Variants in PCDHGA11 observed in about 807,000 individuals in gnomAD.
PCDHGA11 encodes the protein protocadherin gamma subfamily A, 11.
Under a neutral mutation model 60.4 loss-of-function variants are expected in PCDHGA11, and 39 were observed. That is an observed-to-expected ratio of 0.65 (90% CI 0.50 to 0.84). The LOEUF is 0.84. Ranked by LOEUF, PCDHGA11 falls within the 40% of genes least tolerant of loss-of-function variation. The pLI is 0.00. For synonymous variants in PCDHGA11, 533 were observed against 510.3 expected (o/e 1.04, Z -0.60); for missense variants, 1,165 against 1,197.7 (o/e 0.97, Z 0.40).
intron 1 of PCDHGA11, among the ~76,000 whole-genome samples, chr5:141,482,056 G>A (rs1271837619): frequency 1.3e-5 from 2 of 149,012 alleles, no homozygotes; most frequent in Non-Finnish European, 3.0e-5. Context: ...TTGCATTCCA[G>A]CCTGGGCAAC....
chr5:141,487,530 T>C lies in PCDHGA11; in HGVS notation c.2434-7277T>C. The stretch of plus-strand genomic sequence containing the variant: ...GCACCCACTCGGAGTGATAGCTTCA[T>C]GATGGTGAAGTCACCCAGTGCACCT... On this transcript the variant is annotated intron_variant, in intron 1 of 3. Coordinates refer to ENST00000398587, the MANE Select transcript of PCDHGA11 (RefSeq NM_018914.3). This position sits in a 1 kb window ranked among gnomAD's most constrained non-coding sequence, Gnocchi z 5.0. The C allele has an allele frequency of 6.2e-7, 1 of 1,614,218 alleles. No individual in the cohort carries two copies. The highest frequency in any genetic ancestry group is 8.5e-7 in the Non-Finnish European group (1 of 1,180,040).
At chr5:141,450,190 G>A (rs1368992094) in intron 1 of PCDHGA11, among the ~76,000 whole-genome samples, 1 of 151,588 alleles carries the variant, frequency 6.6e-6, no homozygotes, top group African/African-American at 2.4e-5. Flanking sequence ...GCTAATTTTT[G>A]TATTTTTAGT....
intron 1 of PCDHGA11, chr5:141,428,659 G>A: frequency 6.1e-6 from 1 of 164,982 alleles, no homozygotes; most frequent in East Asian, 1.8e-4. Context: ...GAGTTCCAAT[G>A]AATGTCTTTC....
chr5:141,441,861 C>T (rs3805696), intron 1 of PCDHGA11: 35,405 of 342,650 alleles, frequency 0.1, 2,215 homozygotes, highest in African/African-American at 0.17. Context: ...TGCTGCACGC[C>T]GCGGAGCCTG....
rs1233637152 is a variant in PCDHGA11 at position 141,432,543 on chromosome 5, A to G, written c.2433+8883A>G. ...CTGGTGACCAAGGTGGTGGCGGTGGACAGAGACTCCGGCCAGAACGCCTGG... is the reference window on the plus strand; with the variant it reads ...CTGGTGACCAAGGTGGTGGCGGTGGGCAGAGACTCCGGCCAGAACGCCTGG... On this transcript the variant is annotated intron_variant, in intron 1 of 3. Transcript: ENST00000398587. This position sits in a 1 kb window ranked among gnomAD's most constrained non-coding sequence, Gnocchi z 6.0. 3 of 1,613,678 alleles carry G rather than the reference A, an allele frequency of 1.9e-6. No individual in the cohort carries two copies. In the African/African-American group the frequency reaches 4.0e-5, roughly 22 times the overall value.
rs371964437 is a variant in PCDHGA11, at chr5:141,511,404, C to T, written c.*231C>T. On this transcript the variant is annotated 3_prime_UTR_variant, in exon 4 of 4. Coordinates refer to ENST00000398587, the MANE Select transcript of PCDHGA11 (RefSeq NM_018914.3). ...CCGCTGGGAACCCCCATCCAATCAA[C>T]TGCTGTACCCATGGGGGTAGTGGGG... The T allele has an allele frequency of 7.7e-5, 73 of 947,014 alleles. No individual in the cohort carries two copies. In the East Asian group the frequency reaches 1.8e-3, roughly 23 times the overall value. The allele number at this position is 947,014 out of a possible 1,614,324, so 58.7% of individuals were successfully genotyped here.
chr5:141,490,793 C>T lies in PCDHGA11; in HGVS notation c.2434-4014C>T, dbSNP rs2233608. 6 of 1,613,812 alleles carry T rather than the reference C, an allele frequency of 3.7e-6. No homozygotes were observed. The East Asian group carries it at 1.3e-4, about 36-fold the overall frequency. On this transcript the variant is annotated intron_variant, in intron 1 of 3. Transcript: ENST00000398587. This position sits in a 1 kb window ranked among gnomAD's most constrained non-coding sequence, Gnocchi z 5.4. Reference sequence around the variant, plus strand: ...AACCCAGAGGATGGACGGATCTTTGCCCAGCGTACCTTTGACTATGAATTG... The same window carrying T: ...AACCCAGAGGATGGACGGATCTTTGTCCAGCGTACCTTTGACTATGAATTG...
In PCDHGA11 at chr5:141,487,072, T is replaced by C. The variant is rs754589618; in HGVS notation, c.2434-7735T>C. On this transcript the variant is annotated intron_variant, in intron 1 of 3. Coordinates refer to ENST00000398587, the MANE Select transcript of PCDHGA11 (RefSeq NM_018914.3). This position sits in a 1 kb window ranked among gnomAD's most constrained non-coding sequence, Gnocchi z 5.0. ...CTGGGGAGGTGCGGACGGCTGTTCCTATCCCAGCTGACCTCCCACCACAGA... is the reference window on the plus strand; with the variant it reads ...CTGGGGAGGTGCGGACGGCTGTTCCCATCCCAGCTGACCTCCCACCACAGA... 8.1e-6 allele frequency: 13 copies of C among 1,614,010 alleles called. No homozygotes were observed. Among genetic ancestry groups the C allele is most frequent in the Non-Finnish European group, 1.1e-5 (13 of 1,179,966 alleles).
rs771124496 is a variant in PCDHGA11, at chr5:141,489,457, C to T, written c.2434-5350C>T. The T allele has an allele frequency of 1.2e-5, 19 of 1,613,882 alleles. No homozygotes were observed. The highest frequency in any genetic ancestry group is 6.7e-5 in the African/African-American group (5 of 74,896). Reference sequence around the variant, plus strand: ...GCAATTGGGCTCTGAGGAGAATGGGCGCTATTTTTCCCTGAGCTTGATGAG... The same window carrying T: ...GCAATTGGGCTCTGAGGAGAATGGGTGCTATTTTTCCCTGAGCTTGATGAG... On this transcript the variant is annotated intron_variant, in intron 1 of 3. Coordinates refer to ENST00000398587, the MANE Select transcript of PCDHGA11 (RefSeq NM_018914.3). The surrounding 1 kb of genome is among the most constrained non-coding windows in gnomAD (Gnocchi z 4.5).
At chr5:141,428,551 G>A (rs1192248816) in intron 1 of PCDHGA11, 1 of 254,070 alleles carries the variant, frequency 3.9e-6, no homozygotes, top group Non-Finnish European at 7.8e-6. Flanking sequence ...ACCAGAAACA[G>A]TCCCCCCACA....
In PCDHGA11 at chr5:141,490,673, C is replaced by T; in HGVS notation, c.2434-4134C>T. ...GGCTCCCTTCTTTGCACTGTGGCTG[C>T]CTCAGATCCAGACACTGGGGATAAT... On this transcript the variant is annotated intron_variant, in intron 1 of 3. Coordinates refer to ENST00000398587, the MANE Select transcript of PCDHGA11 (RefSeq NM_018914.3). This position sits in a 1 kb window ranked among gnomAD's most constrained non-coding sequence, Gnocchi z 5.4. 1.2e-6 allele frequency: 2 copies of T among 1,614,126 alleles called. No homozygotes were observed. The highest frequency in any genetic ancestry group is 1.7e-6 in the Non-Finnish European group (2 of 1,179,952).
At chr5:141,459,490 T>C (rs2098968649) in intron 1 of PCDHGA11, among the ~76,000 whole-genome samples, 1 of 152,236 alleles carries the variant, frequency 6.6e-6, no homozygotes, top group Non-Finnish European at 1.5e-5. Context: ...TATTCTGAAT[T>C]AAAGTGATGT....
At chr5:141,492,659 T>C (rs2099742881) in intron 1 of PCDHGA11, among the ~76,000 whole-genome samples, 1 of 152,182 alleles carries the variant, frequency 6.6e-6, no homozygotes, top group Non-Finnish European at 1.5e-5. Context: ...GTCCGGATGG[T>C]CCCGGGACTC....
chr5:141,433,993 T>C (rs1367687577), intron 1 of PCDHGA11, among the ~76,000 whole-genome samples: 1 of 152,216 alleles, frequency 6.6e-6, no homozygotes, highest in Admixed American at 6.5e-5. Flanking sequence ...GAGTTTTATA[T>C]TCTCTATATA....
chr5:141,422,546 GGC>G lies in PCDHGA11; in HGVS notation c.1320_1321del (p.Trp440CysfsTer6). ...CCTTTGTCTGCAGAAACTCATGTCT[GGC>G]TGAATGTGGCAGATGACAACGATAA... On this transcript the variant is annotated frameshift_variant, in exon 1 of 4. Transcript: ENST00000398587. LOFTEE classifies it high-confidence loss of function. 8 of 1,613,972 alleles carry G rather than the reference GGC, an allele frequency of 5.0e-6. No individual in the cohort carries two copies. The highest frequency in any genetic ancestry group is 6.8e-6 in the Non-Finnish European group (8 of 1,179,888).
Position 141,476,870 on chromosome 5 carries a change from C to T in PCDHGA11, c.2434-17937C>T, listed in dbSNP as rs2099400432. 3 of 1,613,772 alleles carry T rather than the reference C, an allele frequency of 1.9e-6. No individual in the cohort carries two copies. Among genetic ancestry groups the T allele is most frequent in the South Asian group, 1.1e-5 (1 of 91,094 alleles). On this transcript the variant is annotated intron_variant, in intron 1 of 3. Coordinates refer to ENST00000398587, the MANE Select transcript of PCDHGA11 (RefSeq NM_018914.3). The surrounding 1 kb of genome is among the most constrained non-coding windows in gnomAD (Gnocchi z 7.6). ...CTTCAACCAGTCCTTGTACCGGGCGCGCGTCCTGGAGGATGCACCCTCCGG... is the reference window on the plus strand; with the variant it reads ...CTTCAACCAGTCCTTGTACCGGGCGTGCGTCCTGGAGGATGCACCCTCCGG...
chr5:141,463,927 A>G (rs1454864391), intron 1 of PCDHGA11, among the ~76,000 whole-genome samples: 1 of 152,206 alleles, frequency 6.6e-6, no homozygotes, highest in Non-Finnish European at 1.5e-5. Flanking sequence ...AAATCATTCT[A>G]TATAAATTTA....
intron 1 of PCDHGA11, chr5:141,478,776 A>T: frequency 1.3e-6 from 2 of 1,488,808 alleles, no homozygotes; most frequent in Non-Finnish European, 1.8e-6. Context: ...TCATCTGTGG[A>T]CCTAATTCAC....
In PCDHGA11 at chr5:141,478,732, T is replaced by C. The variant is rs772167680; in HGVS notation, c.2434-16075T>C. 7.2e-6 allele frequency: 11 copies of C among 1,537,428 alleles called. No homozygotes were observed. In the South Asian group the frequency reaches 1.2e-4, roughly 17 times the overall value. On this transcript the variant is annotated intron_variant, in intron 1 of 3. Transcript: ENST00000398587. ...GAGATGGTGGCCTGCCAGAGTGTGG[T>C]TTGTGGTCCCATTTCAGGGGGAAGA...
Sources: gnomAD v4.1 joint callset for allele counts (sites outside exome capture counted in the v4.1 genomes callset) on GRCh38, gnomAD v4.1.1 for gene constraint, Gnocchi (gnomAD v3.1) non-coding constraint, MANE v1.5 for transcripts, NCBI Gene and HGNC (gene_info 2026-07-23, HGNC 2026-07-21) for gene names.